IRS4: variants seen among roughly 807,000 people sequenced by gnomAD.
IRS4 encodes insulin receptor substrate 4, also known as 160 kDa phosphotyrosine protein.
In IRS4, 15 loss-of-function variants were observed where a neutral mutation model predicts 48.6. The observed-to-expected ratio is 0.31, with a 90% CI of 0.21 to 0.48. The LOEUF (loss-of-function observed/expected upper bound fraction) is 0.48. IRS4 is among the 20% of genes least tolerant of loss of function. The probability of loss-of-function intolerance (pLI) is 0.99; values close to 1 mark genes in which losing one functional copy is unlikely to be tolerated. For missense variants in IRS4, 987 were observed against 1,023.4 expected, an observed-to-expected ratio of 0.96 and a Z score of 0.49; for synonymous variants, 459 against 413.2, an observed-to-expected ratio of 1.11 and a Z score of -1.34.
In IRS4 at chrX:108,721,745, G is replaced by T. The variant is rs990301421; in HGVS notation, c.*774C>A. ...ACAATAAATGAAAAATAATAGGTTT[G>T]GAAATACTCAATCGATTTTCAGGCA... On this transcript the variant is annotated 3_prime_UTR_variant, in exon 2 of 2. Coordinates refer to ENST00000372129, the MANE Select transcript of IRS4 (RefSeq NM_001379150.1). 1.8e-5 allele frequency: 2 copies of T among 111,462 alleles called. No homozygotes were observed. Among genetic ancestry groups the T allele is most frequent in the African/African-American group, 6.5e-5 (2 of 30,673 alleles). 9.2% of individuals were successfully genotyped at this position (111,462 alleles called of 1,213,427 possible).
At chrX:108,726,784 G>C (rs2068878422) in intron 1 of IRS4, 1 of 111,939 alleles carries the variant, frequency 8.9e-6, no homozygotes, top group Admixed American at 9.5e-5. Flanking sequence ...GGTGTGGCTG[G>C]CATCAAACAT....
At position 108,735,436 on chromosome X, in the gene IRS4, A is replaced by G; in HGVS notation, c.909T>C (p.Gly303=). The G allele has an allele frequency of 8.3e-7, 1 of 1,210,956 alleles. No homozygotes were observed. The highest frequency in any genetic ancestry group is 2.2e-5 in the Admixed American group (1 of 46,007). Residue 303 remains glycine, a synonymous_variant, in exon 1 of 2, where the codon GGT becomes GGC. Coordinates refer to ENST00000372129, the MANE Select transcript of IRS4 (RefSeq NM_001379150.1). ...CGACCTGCATCCAGAGCTCTCCCGG[A>G]CCGATGACAGTGGACCTGCCTACTT... ...FLEVGRSTVI[G]PGELWMQVDD... is the part of the protein sequence containing the mutation.
Position 108,736,237 on chromosome X carries a change from G to A in IRS4, c.108C>T (p.Ser36=), listed in dbSNP as rs770699585. 2.5e-6 allele frequency: 3 copies of A among 1,210,950 alleles called. No homozygotes were observed. Among genetic ancestry groups the A allele is most frequent in the South Asian group, 1.8e-5 (1 of 56,991 alleles). ...LAAVVTTPLL[S]SGTPTALIGT... ...CAATGAGTGCGGTCGGGGTTCCCGA[G>A]GAAAGAAGCGGGGTGGTCACCACTG... Residue 36 remains serine, a synonymous_variant, in exon 1 of 2, where the codon TCC becomes TCT. Transcript: ENST00000372129.
In IRS4 at chrX:108,733,574, A is replaced by G. The variant is rs765657601; in HGVS notation, c.2771T>C (p.Met924Thr). The G allele has an allele frequency of 4.9e-6, 6 of 1,212,126 alleles. No homozygotes were observed. The highest frequency in any genetic ancestry group is 6.7e-6 in the Non-Finnish European group (6 of 895,585). ...ATTGCTCTCTCTTTTAGTGAAGTCC[A>G]TGTTGACGTAGTCACTAGAGCTGTC... ...EADSSSDYVNMDFTKRESNTP... is the reference protein window; with the variant it reads ...EADSSSDYVNTDFTKRESNTP... The change falls in exon 1 of 2, where the codon ATG (methionine) becomes ACG (threonine). Residue 924 changes from methionine (M) to threonine (T), a missense_variant. Met to Thr is a moderately conservative substitution (Grantham distance 81). Around this residue, in one of 4 missense-constraint regions of IRS4, gnomAD observed 720 missense variants for 660.3 expected, o/e 1.09. Coordinates refer to ENST00000372129, the MANE Select transcript of IRS4 (RefSeq NM_001379150.1).
At chrX:108,731,145 A>G (rs1224004004) in intron 1 of IRS4, among the ~76,000 whole-genome samples, 1 of 109,159 alleles carries the variant, frequency 9.2e-6, no homozygotes, top group African/African-American at 3.4e-5. Flanking sequence ...TTTAATGATC[A>G]CTCTTTAATG....
Position 108,736,247 on chromosome X carries a change from G to A in IRS4, c.98C>T (p.Pro33Leu). The change falls in exon 1 of 2, where the codon CCG (proline) becomes CTG (leucine). Residue 33 changes from proline to leucine, a missense_variant. Physicochemically the swap from Pro to Leu is moderately conservative, Grantham distance 98. Transcript: ENST00000372129. ...AAALAAVVTT[P>L]LLSSGTPTAL... ...GGTCGGGGTTCCCGAGGAAAGAAGC[G>A]GGGTGGTCACCACTGCTGCTAGAGC... The A allele has an allele frequency of 8.3e-7, 1 of 1,211,002 alleles. No homozygotes were observed. The highest frequency in any genetic ancestry group is 1.1e-6 in the Non-Finnish European group (1 of 895,376).
rs2068923204 is a variant in IRS4 at position 108,733,609 on chromosome X, C to T, written c.2736G>A (p.Gln912=). 1 of 1,212,139 alleles carries T rather than the reference C, an allele frequency of 8.2e-7. No individual in the cohort carries two copies. Among genetic ancestry groups the T allele is most frequent in the African/African-American group, 1.7e-5 (1 of 57,888 alleles). The change falls in exon 1 of 2, where the codon CAG becomes CAA. Residue 912 remains glutamine, a synonymous_variant. Coordinates refer to ENST00000372129, the MANE Select transcript of IRS4 (RefSeq NM_001379150.1). ...AGTCACTAGAGCTGTCAGCTTCTCT[C>T]TGCTCATGTGTGGGCTTTTGTGGTT... is the stretch of plus-strand genomic sequence containing the variant. ...KPKPQKPTHE[Q]READSSSDYV...
Position 108,736,279 on chromosome X carries a change from T to TGCC in IRS4, c.63_65dup (p.Ala25dup), listed in dbSNP as rs752198649. 1 of 1,191,503 alleles carries TGCC rather than the reference T, an allele frequency of 8.4e-7. No individual in the cohort carries two copies. The highest frequency in any genetic ancestry group is 2.3e-4 in the Middle Eastern group (1 of 4,278). On this transcript the variant is annotated inframe_insertion, in exon 1 of 2. Transcript: ENST00000372129. ...TCACCACTGCTGCTAGAGCTGCCGC[T>TGCC]GCCGCCGCTGCTGCACCTCTTAGTC...
rs1412829779 is a variant in IRS4 at position 108,734,279 on chromosome X, G to A, written c.2066C>T (p.Ala689Val). Residue 689 changes from alanine (A) to valine (V), a missense_variant, in exon 1 of 2, where the codon GCC (alanine) becomes GTC (valine). Physicochemically the swap from Ala to Val is moderately conservative, Grantham distance 64. Transcript: ENST00000372129. Reference protein sequence around the residue: ...PEGAARGPHRARAFDEDEDDP... With the variant: ...PEGAARGPHRVRAFDEDEDDP... ...ATCCTCATCTTCATCAAAAGCTCTG[G>A]CTCTGTGGGGACCTCGAGCTGCACC... is the stretch of plus-strand genomic sequence containing the variant. 8.3e-7 allele frequency: 1 copy of A among 1,211,105 alleles called. No homozygotes were observed. Among genetic ancestry groups the A allele is most frequent in the Non-Finnish European group, 1.1e-6 (1 of 895,323 alleles).
intron 1 of IRS4, chrX:108,725,081 G>A (rs1414057295): frequency 9.0e-6 from 1 of 110,750 alleles, no homozygotes; most frequent in African/African-American, 3.3e-5. Context: ...TCTTTAATAC[G>A]CTAATAATGC....
chrX:108,734,575 C>G lies in IRS4; in HGVS notation c.1770G>C (p.Gly590=). 1 of 1,211,744 alleles carries G rather than the reference C, an allele frequency of 8.3e-7. No homozygotes were observed. The highest frequency in any genetic ancestry group is 1.1e-6 in the Non-Finnish European group (1 of 895,495). ...HGSGGGKNSG[G]GKGSGSGKGS... is the part of the protein sequence containing the mutation. ...CTTTCCCACTTCCTGAGCCTTTGCC[C>G]CCCCCAGAGTTCTTGCCACCACCTG... is the stretch of plus-strand genomic sequence containing the variant. The change falls in exon 1 of 2, where the codon GGG becomes GGC. Residue 590 remains glycine, a synonymous_variant. Coordinates refer to ENST00000372129, the MANE Select transcript of IRS4 (RefSeq NM_001379150.1).
In IRS4 at chrX:108,736,234, C is replaced by T; in HGVS notation, c.111G>A (p.Ser37=). ...AAVVTTPLLS[S]GTPTALIGTG... is the part of the protein sequence containing the mutation. ...TCCCAATGAGTGCGGTCGGGGTTCC[C>T]GAGGAAAGAAGCGGGGTGGTCACCA... Residue 37 remains serine (S), a synonymous_variant, in exon 1 of 2, where the codon TCG becomes TCA. Transcript: ENST00000372129. The T allele has an allele frequency of 6.6e-6, 8 of 1,210,939 alleles. No homozygotes were observed. The highest frequency in any genetic ancestry group is 8.9e-6 in the Non-Finnish European group (8 of 895,379).
rs1436701963 is a variant in IRS4, at chrX:108,722,494, A to G, written c.*25T>C. 2 of 326,267 alleles carry G rather than the reference A, an allele frequency of 6.1e-6. No individual in the cohort carries two copies. Among genetic ancestry groups the G allele is most frequent in the Non-Finnish European group, 1.2e-5 (2 of 167,717 alleles). The allele number at this position is 326,267 out of a possible 1,213,427, so 26.9% of individuals were successfully genotyped here. ...ATTCCATAAGCATCACTTTTCTTCT[A>G]AAATGTGTTTTTGTGGCAATATAAT... On this transcript the variant is annotated 3_prime_UTR_variant, in exon 2 of 2. Transcript: ENST00000372129.
chrX:108,735,239 C>T lies in IRS4; in HGVS notation c.1106G>A (p.Gly369Glu). ...AAAGCGGGACCTTCTGAGCCAGCCT[C>T]CCGGCTCGAGCGGCACCAAGCCCAG... ...RHLGLVPLEPGGWLRRSRFEQ... is the reference protein window; with the variant it reads ...RHLGLVPLEPEGWLRRSRFEQ... Residue 369 changes from glycine to glutamate, a missense_variant, in exon 1 of 2, where the codon GGA (glycine) becomes GAA (glutamate). Coordinates refer to ENST00000372129, the MANE Select transcript of IRS4 (RefSeq NM_001379150.1). 1 of 1,211,773 alleles carries T rather than the reference C, an allele frequency of 8.3e-7. No individual in the cohort carries two copies. Among genetic ancestry groups the T allele is most frequent in the Non-Finnish European group, 1.1e-6 (1 of 895,590 alleles).
Position 108,735,975 on chromosome X carries a change from C to T in IRS4, c.370G>A (p.Ala124Thr), listed in dbSNP as rs1381444291. 1 of 1,208,864 alleles carries T rather than the reference C, an allele frequency of 8.3e-7. No individual in the cohort carries two copies. Among genetic ancestry groups the T allele is most frequent in the Non-Finnish European group, 1.1e-6 (1 of 894,471 alleles). Residue 124 changes from alanine (A) to threonine (T), a missense_variant, in exon 1 of 2, where the codon GCC becomes ACC. Coordinates refer to ENST00000372129, the MANE Select transcript of IRS4 (RefSeq NM_001379150.1). ...GCCGCCGCTGCTGCAGCCGCCGCGG[C>T]GCGGACACTGTGCCGGAACTTCCTG... is the stretch of plus-strand genomic sequence containing the variant. Reference protein sequence around the residue: ...NARKFRHSVRAAAAAAAAAAS... With the variant: ...NARKFRHSVRTAAAAAAAAAS...
rs2068852670 is a variant in IRS4 at position 108,720,666 on chromosome X, G to C, written c.*1853C>G. 1 of 111,792 alleles carries C rather than the reference G, an allele frequency of 8.9e-6. No individual in the cohort carries two copies. Among genetic ancestry groups the C allele is most frequent in the Admixed American group, 9.5e-5 (1 of 10,547 alleles). 9.2% of individuals were successfully genotyped at this position (111,792 alleles called of 1,213,427 possible). A position where few individuals can be genotyped will look rare whatever the true frequency, so the allele number is the denominator to read the frequency against. The stretch of plus-strand genomic sequence containing the variant: ...AAAATAAAATGGTGACAGAAGGCTT[G>C]AAAAAAAGTTGCCTAAAGAGCGCGT... On this transcript the variant is annotated 3_prime_UTR_variant, in exon 2 of 2. Transcript: ENST00000372129.
rs142845302 is a variant in IRS4, at chrX:108,732,809, T to G, written c.3536A>C (p.Gln1179Pro). 3.4e-6 allele frequency: 4 copies of G among 1,188,091 alleles called. No individual in the cohort carries two copies. The South Asian group carries it at 7.5e-5, about 22-fold the overall frequency. The change falls in exon 1 of 2, where the codon CAA becomes CCA. Residue 1179 changes from glutamine (Q) to proline (P), a missense_variant. Gln to Pro is a moderately conservative substitution (Grantham distance 76). Transcript: ENST00000372129. Reference sequence around the variant, plus strand: ...AGGGTTCGAGCCACCGGCAACGTCTTGGGCTCCCCTTACTGCTTCGGCATC... The same window carrying G: ...AGGGTTCGAGCCACCGGCAACGTCTGGGGCTCCCCTTACTGCTTCGGCATC... ...AADAEAVRGA[Q>P]DVAGGSNPGA...
Position 108,733,934 on chromosome X carries a change from C to A in IRS4, c.2411G>T (p.Ser804Ile). 1 of 1,211,856 alleles carries A rather than the reference C, an allele frequency of 8.3e-7. No homozygotes were observed. The change falls in exon 1 of 2, where the codon AGT becomes ATT. Residue 804 changes from serine to isoleucine, a missense_variant. Ser to Ile is a moderately radical substitution (Grantham distance 142). Coordinates refer to ENST00000372129, the MANE Select transcript of IRS4 (RefSeq NM_001379150.1). ...TGGTAGAGAGAAGTAGGAGCTCCAACTTTTGGAGGAAGAGCCACCCTGAGG... is the reference window on the plus strand; with the variant it reads ...TGGTAGAGAGAAGTAGGAGCTCCAAATTTTGGAGGAAGAGCCACCCTGAGG... ...RNPQGGSSSK[S>I]WSSYFSLPNP...
In IRS4 at chrX:108,722,256, G is replaced by A. The variant is rs1244792248; in HGVS notation, c.*263C>T. ...TTTCCTTTCAAAGGGACAGACTGGG[G>A]AGGAAAACCAGAAAACAAAAAACAA... On this transcript the variant is annotated 3_prime_UTR_variant, in exon 2 of 2. Coordinates refer to ENST00000372129, the MANE Select transcript of IRS4 (RefSeq NM_001379150.1). 1 of 155,461 alleles carries A rather than the reference G, an allele frequency of 6.4e-6. No individual in the cohort carries two copies. The highest frequency in any genetic ancestry group is 3.1e-5 in the African/African-American group (1 of 32,652). 12.8% of individuals were successfully genotyped at this position (155,461 alleles called of 1,213,427 possible).
Sources: gnomAD v4.1 joint callset for allele counts (sites outside exome capture counted in the v4.1 genomes callset) on GRCh38, gnomAD v4.1.1 for gene constraint, gnomAD v4.1.1 regional missense constraint, MANE v1.5 for transcripts, NCBI Gene and HGNC (gene_info 2026-07-23, HGNC 2026-07-21) for gene names.